LRRC4C: variants seen among roughly 807,000 people sequenced by gnomAD.
The protein encoded by LRRC4C is leucine rich repeat containing 4C.
LRRC4C carries 5 observed loss-of-function variants against 33.6 expected under a neutral mutation model. The ratio of observed to expected loss-of-function variants is 0.15; its 90% CI spans 0.08 to 0.31. The LOEUF is 0.31. Ranked by LOEUF, LRRC4C falls within the 10% of genes least tolerant of loss-of-function variation. LRRC4C has a pLI of 1.00. For missense variants in LRRC4C, 560 were observed against 796.7 expected, an observed-to-expected ratio of 0.70 and a Z score of 3.58; for synonymous variants, 329 against 302.0, an observed-to-expected ratio of 1.09 and a Z score of -0.93.
chr11:40,132,665 AG>A (rs1329418652), intron 6 of LRRC4C, among the ~76,000 whole-genome samples: 3 of 152,200 alleles, frequency 2.0e-5, no homozygotes, highest in Admixed American at 1.3e-4. Flanking sequence ...TATGAATATT[AG>A]TGGAAAAACA....
intron 2 of LRRC4C, among the ~76,000 whole-genome samples, chr11:40,652,090 C>T (rs1210020620): frequency 6.6e-6 from 1 of 152,120 alleles, no homozygotes; most frequent in Non-Finnish European, 1.5e-5. Context: ...TCATTACTTT[C>T]CTGAAAGCCA....
At chr11:40,679,765 T>C (rs1944584088) in intron 2 of LRRC4C, among the ~76,000 whole-genome samples, 1 of 152,148 alleles carries the variant, frequency 6.6e-6, no homozygotes, top group Non-Finnish European at 1.5e-5. Flanking sequence ...AGGCAAAAGT[T>C]TGCTGCAGGG....
chr11:40,341,762 C>T (rs1946878798), intron 3 of LRRC4C, among the ~76,000 whole-genome samples: 1 of 152,096 alleles, frequency 6.6e-6, no homozygotes, highest in Admixed American at 6.6e-5. Flanking sequence ...AGATAGTCAT[C>T]ACAGTTGATA....
chr11:40,553,516 T>C (rs190116587), intron 3 of LRRC4C, among the ~76,000 whole-genome samples: 8 of 152,288 alleles, frequency 5.3e-5, no homozygotes, highest in African/African-American at 1.9e-4. Flanking sequence ...AGCGTAAAAC[T>C]CTAAGTAAGC....
At chr11:40,332,094 A>G (rs1185860811) in intron 3 of LRRC4C, among the ~76,000 whole-genome samples, 1 of 152,188 alleles carries the variant, frequency 6.6e-6, no homozygotes, top group Non-Finnish European at 1.5e-5. Flanking sequence ...AACTGAATGC[A>G]CTTTAGCAGT....
chr11:40,917,522 A>T (rs1039392770), intron 2 of LRRC4C, among the ~76,000 whole-genome samples: 2 of 152,122 alleles, frequency 1.3e-5, no homozygotes, highest in Admixed American at 1.3e-4. Context: ...TATGCGTTGT[A>T]TGCCATTTTG....
chr11:41,411,247 C>A (rs1954476276), intron 1 of LRRC4C, among the ~76,000 whole-genome samples: 1 of 146,382 alleles, frequency 6.8e-6, no homozygotes, highest in East Asian at 2.1e-4. Flanking sequence ...CTCCCAGGTT[C>A]ATGCCATTCT....
At chr11:40,152,336 G>A (rs970982983) in intron 5 of LRRC4C, among the ~76,000 whole-genome samples, 2 of 152,170 alleles carry the variant, frequency 1.3e-5, no homozygotes, top group Admixed American at 6.5e-5. Flanking sequence ...TTCCTGCCTG[G>A]CACCACGGGG....
chr11:40,265,970 C>T (rs1025040133), intron 4 of LRRC4C, among the ~76,000 whole-genome samples: 4 of 152,132 alleles, frequency 2.6e-5, no homozygotes, highest in Non-Finnish European at 5.9e-5. Flanking sequence ...CAAGTAAAAA[C>T]GTGCAGCACA....
chr11:40,667,683 G>T (rs555892098), intron 2 of LRRC4C, among the ~76,000 whole-genome samples: 3 of 152,180 alleles, frequency 2.0e-5, no homozygotes, highest in Non-Finnish European at 4.4e-5. Context: ...GGAGCCCAGA[G>T]TGGCCCCTGG....
intron 1 of LRRC4C, among the ~76,000 whole-genome samples, chr11:40,962,838 T>A (rs540579951): frequency 6.6e-6 from 1 of 151,848 alleles, no homozygotes; most frequent in South Asian, 2.1e-4. Flanking sequence ...TTATCTTTTG[T>A]AAGATGGAAG....
At chr11:40,308,355 A>G (rs955126322) in intron 4 of LRRC4C, among the ~76,000 whole-genome samples, 3 of 152,204 alleles carry the variant, frequency 2.0e-5, no homozygotes, top group African/African-American at 7.2e-5. Flanking sequence ...AAGATCCAAC[A>G]TTAACACTTC....
intron 3 of LRRC4C, among the ~76,000 whole-genome samples, chr11:40,634,996 T>A (rs553984850): frequency 3.9e-4 from 57 of 147,948 alleles, no homozygotes; most frequent in Middle Eastern, 3.5e-3. Flanking sequence ...TTAGGAAATT[T>A]AAAAAAAAAA....
chr11:41,277,816 C>G (rs1322029025), intron 1 of LRRC4C, among the ~76,000 whole-genome samples: 4 of 151,730 alleles, frequency 2.6e-5, no homozygotes, highest in South Asian at 2.1e-4. Context: ...AATATTCTAC[C>G]AGCTACTTGA....
At chr11:40,334,297 G>A (rs568165778) in intron 3 of LRRC4C, among the ~76,000 whole-genome samples, 2 of 151,902 alleles carry the variant, frequency 1.3e-5, no homozygotes, top group South Asian at 2.1e-4. Flanking sequence ...TTTTAATAAA[G>A]CTTTTAATAA....
At chr11:40,609,034 G>A (rs1960924692) in intron 3 of LRRC4C, among the ~76,000 whole-genome samples, 1 of 151,860 alleles carries the variant, frequency 6.6e-6, no homozygotes, top group South Asian at 2.1e-4. Context: ...GAGATTAATA[G>A]GAAACAAAAT....
chr11:40,166,985 C>T (rs935027791), intron 5 of LRRC4C, among the ~76,000 whole-genome samples: 1 of 152,030 alleles, frequency 6.6e-6, no homozygotes, highest in African/African-American at 2.4e-5. Context: ...TATGACTCCC[C>T]GTGTCTAGAT....
intron 3 of LRRC4C, among the ~76,000 whole-genome samples, chr11:40,342,218 C>G (rs1479405894): frequency 1.3e-5 from 2 of 152,132 alleles, no homozygotes; most frequent in Non-Finnish European, 2.9e-5. Context: ...TGCCTGTAAT[C>G]ACAGCACTTT....
At chr11:40,336,244 C>G (rs1348065254) in intron 3 of LRRC4C, among the ~76,000 whole-genome samples, 1 of 152,056 alleles carries the variant, frequency 6.6e-6, no homozygotes, top group African/African-American at 2.4e-5. Context: ...CTTGACAGAC[C>G]GCGGAACTGC....
Sources: allele counts gnomAD v4.1 joint callset (sites outside exome capture counted in the v4.1 genomes callset), GRCh38; gene constraint gnomAD v4.1.1; transcripts MANE v1.5; gene names NCBI Gene and HGNC (gene_info 2026-07-23, HGNC 2026-07-21).